TBC1D5: variants seen among roughly 807,000 people sequenced by gnomAD.
TBC1D5 encodes TBC1 domain family member 5.
TBC1D5 carries 75 observed loss-of-function variants against 100.3 expected under a neutral mutation model. The ratio of observed to expected loss-of-function variants is 0.75; its 90% CI spans 0.62 to 0.91. The LOEUF is 0.91. Ranked by LOEUF, TBC1D5 falls within the 40% of genes least tolerant of loss-of-function variation. TBC1D5 has a pLI of 0.00. For synonymous variants in TBC1D5, 323 were observed against 325.6 expected (o/e 0.99, Z 0.09); for missense variants, 910 against 942.4 (o/e 0.97, Z 0.45).
intron 3 of TBC1D5, among the ~76,000 whole-genome samples, chr3:17,459,939 G>A (rs1336841890): frequency 6.6e-6 from 1 of 152,144 alleles, no homozygotes; most frequent in Non-Finnish European, 1.5e-5. Context: ...GATATATCTG[G>A]TTACATTTAA....
At chr3:17,205,119 A>G (rs1405043040) in intron 18 of TBC1D5, among the ~76,000 whole-genome samples, 7 of 152,238 alleles carry the variant, frequency 4.6e-5, no homozygotes, top group Non-Finnish European at 1.0e-4. Flanking sequence ...AATTCATTTT[A>G]TATCTATTCA....
At chr3:17,382,604 A>G (rs948941278) in intron 9 of TBC1D5, among the ~76,000 whole-genome samples, 8 of 150,468 alleles carry the variant, frequency 5.3e-5, no homozygotes, top group Admixed American at 3.3e-4. Context: ...TCTTTCGCTC[A>G]GGCTAGAGTG....
chr3:17,553,942 T>C (rs1253671083), intron 2 of TBC1D5, among the ~76,000 whole-genome samples: 1 of 152,212 alleles, frequency 6.6e-6, no homozygotes, highest in African/African-American at 2.4e-5. Flanking sequence ...CAAGTGCTCC[T>C]TCCTTCCCTC....
At chr3:17,449,363 C>T (rs6782575) in intron 3 of TBC1D5, among the ~76,000 whole-genome samples, 13,859 of 152,114 alleles carry the variant, frequency 0.091, 1,428 homozygotes, top group African/African-American at 0.26. Context: ...CCTAGTGGCA[C>T]CTGGAATGCC....
chr3:17,536,319 C>A (rs937370275), intron 2 of TBC1D5, among the ~76,000 whole-genome samples: 1 of 152,086 alleles, frequency 6.6e-6, no homozygotes, highest in African/African-American at 2.4e-5. Context: ...TTAGTATAAT[C>A]TACAAAGAAG....
At chr3:17,633,921 C>G (rs1213451658) in intron 1 of TBC1D5, among the ~76,000 whole-genome samples, 1 of 152,044 alleles carries the variant, frequency 6.6e-6, no homozygotes, top group Non-Finnish European at 1.5e-5. Context: ...GAATCCTGAT[C>G]CCAAAGCAGT....
intron 15 of TBC1D5, among the ~76,000 whole-genome samples, chr3:17,279,566 C>T (rs2080354147): frequency 6.6e-6 from 1 of 152,176 alleles, no homozygotes; most frequent in Non-Finnish European, 1.5e-5. Context: ...TTATTTTCTT[C>T]TTGCACCCCT....
intron 1 of TBC1D5, among the ~76,000 whole-genome samples, chr3:17,674,884 T>C (rs1454102099): frequency 6.6e-6 from 1 of 152,098 alleles, no homozygotes; most frequent in Non-Finnish European, 1.5e-5. Context: ...ATAGCATATA[T>C]TTAATTTTAT....
intron 2 of TBC1D5, among the ~76,000 whole-genome samples, chr3:17,527,175 T>C (rs548361645): frequency 3.9e-5 from 6 of 152,192 alleles, no homozygotes; most frequent in African/African-American, 9.6e-5. Context: ...GGCCTAGGGA[T>C]AGAGAAAGAT....
At chr3:17,497,638 G>C (rs114917088) in intron 3 of TBC1D5, among the ~76,000 whole-genome samples, 93 of 152,264 alleles carry the variant, frequency 6.1e-4, no homozygotes, top group Non-Finnish European at 1.1e-3. Flanking sequence ...TCTATGCTTG[G>C]CTAAAATCAG....
At chr3:17,435,144 A>T (rs2094512595) in intron 3 of TBC1D5, among the ~76,000 whole-genome samples, 1 of 151,932 alleles carries the variant, frequency 6.6e-6, no homozygotes, top group Admixed American at 6.6e-5. Context: ...ACATCTTCCT[A>T]CCTTCTGAGC....
At chr3:17,530,669 C>T (rs779046923) in intron 2 of TBC1D5, among the ~76,000 whole-genome samples, 7 of 152,262 alleles carry the variant, frequency 4.6e-5, no homozygotes, top group Non-Finnish European at 7.4e-5. Flanking sequence ...GGATGCAAGG[C>T]TGGTTCAACA....
chr3:17,383,296 T>C (rs1165542105), intron 9 of TBC1D5, among the ~76,000 whole-genome samples: 1 of 151,802 alleles, frequency 6.6e-6, no homozygotes, highest in Non-Finnish European at 1.5e-5. Context: ...TACATAAAAA[T>C]ACCCAAGTGT....
chr3:17,401,450 AT>A (rs2093649835), intron 8 of TBC1D5, among the ~76,000 whole-genome samples: 1 of 151,888 alleles, frequency 6.6e-6, no homozygotes, highest in South Asian at 2.1e-4. Flanking sequence ...AAAACAGAAA[AT>A]ATAGAAGTTT....
At chr3:17,664,286 G>A (rs185137816) in intron 1 of TBC1D5, among the ~76,000 whole-genome samples, 17 of 152,186 alleles carry the variant, frequency 1.1e-4, no homozygotes, top group Admixed American at 3.9e-4. Context: ...TGGCCAGGAT[G>A]GTCTCAATCT....
intron 2 of TBC1D5, among the ~76,000 whole-genome samples, chr3:17,562,430 G>A (rs1184450551): frequency 6.6e-6 from 1 of 151,480 alleles, no homozygotes; most frequent in Non-Finnish European, 1.5e-5. Context: ...ATTATAATTT[G>A]CACCTAATAG....
intron 3 of TBC1D5, among the ~76,000 whole-genome samples, chr3:17,505,987 A>T (rs1202379685): frequency 6.6e-6 from 1 of 152,196 alleles, no homozygotes; most frequent in Non-Finnish European, 1.5e-5. Flanking sequence ...TACTAATAGA[A>T]CCTATGACAA....
chr3:17,183,207 C>T (rs1170714758), intron 19 of TBC1D5, among the ~76,000 whole-genome samples: 1 of 152,188 alleles, frequency 6.6e-6, no homozygotes, highest in African/African-American at 2.4e-5. Flanking sequence ...GGCAATGAAG[C>T]CACGGACACA....
At chr3:17,319,698 G>A (rs906525991) in intron 13 of TBC1D5, among the ~76,000 whole-genome samples, 9 of 151,894 alleles carry the variant, frequency 5.9e-5, no homozygotes, top group East Asian at 1.9e-4. Flanking sequence ...GTGAAACCCC[G>A]TCTCTACTAA....
Sources: gnomAD v4.1 joint callset for allele counts (sites outside exome capture counted in the v4.1 genomes callset) on GRCh38, gnomAD v4.1.1 for gene constraint, MANE v1.5 for transcripts, NCBI Gene and HGNC (gene_info 2026-07-23, HGNC 2026-07-21) for gene names.